The following NDST4 variants were observed in gnomAD, a reference collection of about 807,000 sequenced individuals.
The protein encoded by NDST4 is N-deacetylase and N-sulfotransferase 4, also known as N-heparan sulfate sulfotransferase 4.
A neutral mutation model predicts 100.8 loss-of-function variants in NDST4; 63 were observed. The ratio of observed to expected loss-of-function variants is 0.62; its 90% confidence interval spans 0.51 to 0.77. The LOEUF is 0.77. Ranked by LOEUF, NDST4 falls within the 30% of genes least tolerant of loss-of-function variation. The probability of loss-of-function intolerance (pLI) is 0.00; values close to 1 mark genes in which losing one functional copy is unlikely to be tolerated. For synonymous variants in NDST4, 377 were observed against 361.8 expected, an observed-to-expected ratio of 1.04 and a Z score of -0.48; for missense variants, 943 against 1,018.4, an observed-to-expected ratio of 0.93 and a Z score of 1.01.
At chr4:115,078,604 G>C (rs1729238404) in intron 1 of NDST4, among the ~76,000 whole-genome samples, 1 of 152,154 alleles carries the variant, frequency 6.6e-6, no homozygotes, top group South Asian at 2.1e-4. Flanking sequence ...AAGCATTCAA[G>C]AAGTGGTGGG....
intron 12 of NDST4, 51 bp from the exon 13 acceptor site, chr4:114,829,943 G>A: frequency 7.8e-7 from 1 of 1,278,714 alleles, no homozygotes; most frequent in Non-Finnish European, 1.1e-6. Flanking sequence ...AATTTTCAGT[G>A]AGACAGCCTC....
chr4:114,870,136 G>T (rs1724115725), intron 7 of NDST4, among the ~76,000 whole-genome samples: 1 of 152,114 alleles, frequency 6.6e-6, no homozygotes, highest in Non-Finnish European at 1.5e-5. Flanking sequence ...CTGCCAAGAA[G>T]CAGATAGTTT....
At chr4:115,091,283 C>T (rs111371716) in intron 1 of NDST4, among the ~76,000 whole-genome samples, 2,211 of 151,948 alleles carry the variant, frequency 0.015, 32 homozygotes, top group African/African-American at 0.032. Flanking sequence ...GTTATGCAAA[C>T]GTGTGTGTAA....
intron 2 of NDST4, among the ~76,000 whole-genome samples, chr4:115,034,008 G>C (rs1366125079): frequency 6.6e-6 from 1 of 152,036 alleles, no homozygotes; most frequent in Admixed American, 6.6e-5. Context: ...ATTATGTGCT[G>C]TGTTGACATC....
intron 6 of NDST4, among the ~76,000 whole-genome samples, chr4:114,887,808 A>G (rs1042909228): frequency 9.9e-5 from 15 of 152,146 alleles, no homozygotes; most frequent in African/African-American, 3.6e-4. Context: ...AGAAGGGGAC[A>G]TTTACTCACC....
rs531370182 is a variant in NDST4, at chr4:115,093,251, A to G, written c.-246-15969T>C. ...AGCATTTTGGGAGGCCAAGGTGGGC[A>G]GATCATGAGGTCAGGAGATCGAGAC... On this transcript the variant is annotated intron_variant, in intron 1 of 13. Transcript: ENST00000264363. Among the ~76,000 whole-genome samples, 151 of 152,238 alleles carry G rather than the reference A, an allele frequency of 9.9e-4. 2 individuals are homozygous for G. The South Asian group carries it at 0.016, about 16-fold the overall frequency.
intron 6 of NDST4, among the ~76,000 whole-genome samples, chr4:114,902,427 T>C (rs1724863755): frequency 1.3e-5 from 2 of 150,170 alleles, no homozygotes; most frequent in African/African-American, 5.0e-5. Flanking sequence ...GCTTGCATGT[T>C]TTCTGAAGAG....
At chr4:115,021,565 G>A (rs1334210842) in intron 2 of NDST4, among the ~76,000 whole-genome samples, 7 of 38,802 alleles carry the variant, frequency 1.8e-4, no homozygotes, top group South Asian at 1.7e-3. Flanking sequence ...ATATACACAC[G>A]TTCCACATAT....
At chr4:115,113,159 C>T (rs2110349408) in intron 1 of NDST4, among the ~76,000 whole-genome samples, 1 of 152,032 alleles carries the variant, frequency 6.6e-6, no homozygotes, top group African/African-American at 2.4e-5. Context: ...ATTTCCTATG[C>T]AAATGTTCCG....
At chr4:114,895,817 T>C (rs1578372319) in intron 6 of NDST4, among the ~76,000 whole-genome samples, 1 of 151,662 alleles carries the variant, frequency 6.6e-6, no homozygotes, top group Non-Finnish European at 1.5e-5. Flanking sequence ...ACTTAAAATA[T>C]AATTAAAAAA....
chr4:115,005,995 G>A (rs1008415039), intron 2 of NDST4, among the ~76,000 whole-genome samples: 1 of 126,484 alleles, frequency 7.9e-6, no homozygotes, highest in Non-Finnish European at 1.6e-5. Flanking sequence ...TCGCGTCACT[G>A]CACTCCAGCC....
At chr4:114,993,206 A>G (rs1382568253) in intron 2 of NDST4, among the ~76,000 whole-genome samples, 1 of 151,830 alleles carries the variant, frequency 6.6e-6, no homozygotes, top group Non-Finnish European at 1.5e-5. Context: ...AGATGCTAAG[A>G]TCCTAGGATT....
chr4:114,866,806 T>C (rs1007294680), intron 7 of NDST4, among the ~76,000 whole-genome samples: 1 of 152,168 alleles, frequency 6.6e-6, no homozygotes, highest in Non-Finnish European at 1.5e-5. Flanking sequence ...CAAGCAGTTA[T>C]TGTGGCTTAT....
intron 1 of NDST4, among the ~76,000 whole-genome samples, chr4:115,088,662 C>T (rs1355006102): frequency 6.6e-6 from 1 of 151,850 alleles, no homozygotes; most frequent in African/African-American, 2.4e-5. Flanking sequence ...CCAATCCAAG[C>T]AACTGCCCTA....
At chr4:114,943,792 T>G (rs1178390681) in intron 4 of NDST4, among the ~76,000 whole-genome samples, 1 of 152,198 alleles carries the variant, frequency 6.6e-6, no homozygotes, top group Non-Finnish European at 1.5e-5. Flanking sequence ...GCCTCAAATT[T>G]CTCATTTATA....
At chr4:114,867,679 A>AG (rs1553949958) in intron 7 of NDST4, among the ~76,000 whole-genome samples, 15 of 143,524 alleles carry the variant, frequency 1.0e-4, no homozygotes, top group Non-Finnish European at 1.9e-4. Flanking sequence ...AAAAAAAAAA[A>AG]AAAGAAAGAA....
At chr4:114,877,427 A>G (rs1440411678) in intron 6 of NDST4, among the ~76,000 whole-genome samples, 1 of 152,204 alleles carries the variant, frequency 6.6e-6, no homozygotes, top group Non-Finnish European at 1.5e-5. Context: ...ACACTTTAAG[A>G]TAATAAGTAC....
intron 7 of NDST4, 66 bp downstream of exon 7, chr4:114,870,702 C>T: frequency 7.1e-7 from 1 of 1,399,230 alleles, no homozygotes; most frequent in Non-Finnish European, 9.7e-7. Context: ...GTGCCTAACA[C>T]AAATTATACA....
chr4:114,875,282 C>A lies in NDST4; in HGVS notation c.1537-4332G>T, dbSNP rs888741739. On this transcript the variant is annotated intron_variant, in intron 6 of 13. Coordinates refer to ENST00000264363, the MANE Select transcript of NDST4 (RefSeq NM_022569.3). ...TCAAGGCTCTCAACTTCATTATAAC[C>A]AAACATAAAACAAGTCTAAACTTTC... 6.6e-5 allele frequency among the ~76,000 whole-genome samples: 10 copies of A among 152,188 alleles called. 1 individual carries two copies. The South Asian group carries it at 1.9e-3, about 28-fold the overall frequency.
Sources: allele counts gnomAD v4.1 joint callset (sites outside exome capture counted in the v4.1 genomes callset), GRCh38; gene constraint gnomAD v4.1.1; transcripts MANE v1.5; gene names NCBI Gene and HGNC (gene_info 2026-07-23, HGNC 2026-07-21).